The following ABCA12 variants were observed in gnomAD, a reference collection of about 807,000 sequenced individuals.
The protein encoded by ABCA12 is glucosylceramide transporter ABCA12.
ABCA12 carries 156 observed loss-of-function variants against 293.5 expected under a neutral mutation model. That is an observed-to-expected ratio of 0.53 (90% CI 0.47 to 0.61). ABCA12 has a LOEUF of 0.61. Ranked by LOEUF, ABCA12 falls within the 20% of genes least tolerant of loss-of-function variation. The probability of loss-of-function intolerance (pLI) is 0.00; values close to 1 mark genes in which losing one functional copy is unlikely to be tolerated. For synonymous variants in ABCA12, 1,063 were observed against 1,108.0 expected (o/e 0.96, Z 0.81); for missense variants, 2,797 against 3,090.2 (o/e 0.91, Z 2.25).
chr2:214,962,181 A>AT (rs1426943773), intron 39 of ABCA12: 1 of 152,182 alleles, frequency 6.6e-6, no homozygotes, highest in Non-Finnish European at 1.5e-5. Context: ...AAATATGTAT[A>AT]TTTTTTAAAA....
intron 6 of ABCA12, 64 bp from the exon 7 acceptor site, chr2:215,046,079 C>T: frequency 1.3e-6 from 2 of 1,542,950 alleles, no homozygotes; most frequent in Non-Finnish European, 1.8e-6. Flanking sequence ...ACATGGTTTG[C>T]TGTTTTTAAA....
At chr2:215,075,487 A>C (rs1701816967) in intron 2 of ABCA12, 1 of 677,066 alleles carries the variant, frequency 1.5e-6, no homozygotes, top group African/African-American at 1.8e-5. Flanking sequence ...GCATCCTCTT[A>C]ATCCTAGCTT....
At chr2:215,041,894 T>C (rs951427766) in intron 7 of ABCA12, among the ~76,000 whole-genome samples, 1 of 152,212 alleles carries the variant, frequency 6.6e-6, no homozygotes, top group African/African-American at 2.4e-5. Context: ...TGATGTGAAA[T>C]GATAATGCAT....
At chr2:215,084,224 G>A (rs1336170477) in intron 2 of ABCA12, among the ~76,000 whole-genome samples, 1 of 152,062 alleles carries the variant, frequency 6.6e-6, no homozygotes, top group Admixed American at 6.5e-5. Context: ...CTGGGCTCAC[G>A]TAGCGCTCCA....
At chr2:215,076,529 A>G (rs1343591641) in intron 2 of ABCA12, among the ~76,000 whole-genome samples, 1 of 152,170 alleles carries the variant, frequency 6.6e-6, no homozygotes, top group Non-Finnish European at 1.5e-5. Context: ...TTGAGAGGAT[A>G]TGGAGGAATG....
chr2:215,021,463 T>C (rs1030695368), intron 11 of ABCA12, among the ~76,000 whole-genome samples: 3 of 152,214 alleles, frequency 2.0e-5, no homozygotes, highest in African/African-American at 7.2e-5. Flanking sequence ...CAGTTCACTG[T>C]GTTCTATGTG....
intron 4 of ABCA12, among the ~76,000 whole-genome samples, chr2:215,053,540 A>G (rs1263879893): frequency 1.3e-5 from 2 of 152,068 alleles, no homozygotes; most frequent in African/African-American, 4.8e-5. Context: ...CGGTGCTTTA[A>G]CCTACTCAGC....
chr2:214,941,975 A>G (rs759940849), intron 50 of ABCA12, among the ~76,000 whole-genome samples: 2 of 152,014 alleles, frequency 1.3e-5, no homozygotes, highest in Non-Finnish European at 2.9e-5. Flanking sequence ...TAATATTGTT[A>G]TGTGTGAATT....
Position 215,045,935 on chromosome 2 carries a change from C to T in ABCA12, c.774G>A (p.Glu258=), listed in dbSNP as rs751474923. 1 of 1,613,690 alleles carries T rather than the reference C, an allele frequency of 6.2e-7. No homozygotes were observed. The highest frequency in any genetic ancestry group is 2.2e-5 in the East Asian group (1 of 44,852). ...ACAGAAGCTGCCACACAGCTTTCTG[C>T]TCTTGCACTTGTGAGAAGAAAGACA... ...RMLSFFSQVQ[E]QKAVWQLLSS... Residue 258 remains glutamate (E), a synonymous_variant, in exon 7 of 53, where the codon GAG becomes GAA. Transcript: ENST00000272895.
intron 32 of ABCA12, 80 bp downstream of exon 32, chr2:214,978,724 T>C: frequency 6.7e-7 from 1 of 1,482,628 alleles, no homozygotes; most frequent in Non-Finnish European, 9.3e-7. Context: ...AAAATTTTTT[T>C]AGAAAAATGG....
chr2:214,968,315 T>C (rs1699309733), intron 38 of ABCA12, among the ~76,000 whole-genome samples: 1 of 152,150 alleles, frequency 6.6e-6, no homozygotes, highest in Non-Finnish European at 1.5e-5. Context: ...AATGTAATCA[T>C]AGTCAATGTA....
chr2:215,074,900 C>A (rs1355962686), intron 2 of ABCA12, among the ~76,000 whole-genome samples: 3 of 151,904 alleles, frequency 2.0e-5, no homozygotes, highest in Non-Finnish European at 2.9e-5. Flanking sequence ...CGAGATCACG[C>A]CACTGTACTC....
intron 36 of ABCA12, among the ~76,000 whole-genome samples, chr2:214,970,768 A>T (rs1013474637): frequency 5.3e-5 from 8 of 152,150 alleles, no homozygotes; most frequent in African/African-American, 1.4e-4. Flanking sequence ...GAAGGAAAAA[A>T]ATATTTGCCA....
chr2:214,982,156 G>C, intron 30 of ABCA12, 31 bp downstream of exon 30: 1 of 1,607,728 alleles, frequency 6.2e-7, no homozygotes, highest in Non-Finnish European at 8.5e-7. Context: ...TATGACTGTT[G>C]GGTGGAGAAG....
chr2:215,029,853 C>A (rs1700834923), intron 9 of ABCA12, among the ~76,000 whole-genome samples: 1 of 152,050 alleles, frequency 6.6e-6, no homozygotes, highest in Non-Finnish European at 1.5e-5. Flanking sequence ...TAAGTACAAA[C>A]ACAAAATGAT....
chr2:215,053,514 T>G, intron 4 of ABCA12, among the ~76,000 whole-genome samples: 1 of 152,094 alleles, frequency 6.6e-6, no homozygotes, highest in East Asian at 1.9e-4. Context: ...ACCATAACAT[T>G]ATAACCTTAT....
intron 48 of ABCA12, 38 bp downstream of exon 48, chr2:214,947,384 A>G (rs1466250014): frequency 1.2e-6 from 2 of 1,611,880 alleles, no homozygotes; most frequent in Non-Finnish European, 1.7e-6. Context: ...ATGCTGTTCT[A>G]ATTATGGAGT....
At chr2:214,970,540 A>G in intron 36 of ABCA12, 140 bp from the exon 37 acceptor site, 1 of 918,752 alleles carries the variant, frequency 1.1e-6, no homozygotes, top group Non-Finnish European at 1.7e-6. Flanking sequence ...TTGACTCTAA[A>G]GAGCTTTGAA....
chr2:214,979,012 C>T lies in ABCA12; in HGVS notation c.4769G>A (p.Cys1590Tyr), dbSNP rs1699588993. 6.2e-7 allele frequency: 1 copy of T among 1,613,962 alleles called. No homozygotes were observed. Among genetic ancestry groups the T allele is most frequent in the Non-Finnish European group, 8.5e-7 (1 of 1,179,980 alleles). The change falls in exon 32 of 53, where the codon TGT becomes TAT. Residue 1590 changes from cysteine (C) to tyrosine (Y), a missense_variant. Coordinates refer to ENST00000272895, the MANE Select transcript of ABCA12 (RefSeq NM_173076.3). ...KSPNLNANAV[C>Y]DTMAVTAMIQ... ...CATTGCTGTCACGGCCATGGTGTCA[C>T]ATACTGCATTTGCATTTAAATTTGG...
Sources: allele counts gnomAD v4.1 joint callset (sites outside exome capture counted in the v4.1 genomes callset), GRCh38; gene constraint gnomAD v4.1.1; transcripts MANE v1.5; gene names NCBI Gene and HGNC (gene_info 2026-07-23, HGNC 2026-07-21).